The following TPO variants were observed in gnomAD, a reference collection of about 807,000 sequenced individuals.
The protein encoded by TPO is thyroid microsomal antigen.
In TPO, 78 loss-of-function variants were observed where a neutral mutation model predicts 96.9. The observed-to-expected ratio is 0.81, with a 90% CI of 0.67 to 0.97. The LOEUF is 0.97. Ranked by LOEUF, TPO falls within the 50% of genes least tolerant of loss-of-function variation. The pLI is 0.00. For missense variants in TPO, 1,252 were observed against 1,274.8 expected (o/e 0.98, Z 0.27); for synonymous variants, 547 against 538.0 (o/e 1.02, Z -0.23).
intron 1 of TPO, among the ~76,000 whole-genome samples, chr2:1,386,193 G>T (rs1454070503): frequency 2.6e-5 from 4 of 152,190 alleles, no homozygotes; most frequent in African/African-American, 7.2e-5. Context: ...ATGTTCTGTT[G>T]ATTTGGCGTG....
chr2:1,387,981 AC>A (rs1661929049), intron 1 of TPO, among the ~76,000 whole-genome samples: 1 of 152,244 alleles, frequency 6.6e-6, no homozygotes, highest in Admixed American at 6.5e-5. Flanking sequence ...TCCCCTCCAG[AC>A]CCTGTTTGCC....
At chr2:1,457,795 A>G (rs1027095010) in intron 7 of TPO, among the ~76,000 whole-genome samples, 1 of 152,144 alleles carries the variant, frequency 6.6e-6, no homozygotes, top group African/African-American at 2.4e-5. Context: ...GCTCGTGTGT[A>G]TATAGCATGT....
intron 1 of TPO, among the ~76,000 whole-genome samples, chr2:1,399,193 G>A (rs757809510): frequency 4.3e-4 from 66 of 152,310 alleles, no homozygotes; most frequent in Non-Finnish European, 5.9e-4. Context: ...GAGTCCTCAT[G>A]AAATGTCCAG....
chr2:1,511,176 T>C (rs1674072228), intron 14 of TPO, among the ~76,000 whole-genome samples: 1 of 151,938 alleles, frequency 6.6e-6, no homozygotes, highest in Admixed American at 6.6e-5. Flanking sequence ...AGCACAGCCC[T>C]GCAGACTGGG....
intron 1 of TPO, among the ~76,000 whole-genome samples, chr2:1,389,907 T>C (rs79231450): frequency 0.012 from 1,796 of 152,294 alleles, 38 homozygotes; most frequent in African/African-American, 0.041. Context: ...TTGTCTTTGG[T>C]TTGCTGTTTG....
rs369267558 is a variant in TPO, at chr2:1,395,753, TGTGTTCTAGTGATA to T, written n.180+21356_180+21369del. On this transcript the variant is annotated intron_variant and non_coding_transcript_variant, in intron 1 of 5. Coordinates refer to the TPO transcript ENST00000497517. ...TAGTGATAGTGTGTTCTAGTGATAG[TGTGTTCTAGTGATA>T]GTGTGTTCTAGTGATAGTGACTAAG... 6.7e-3 allele frequency among the ~76,000 whole-genome samples: 1,007 copies of T among 151,006 alleles called. 23 individuals carry two copies. In the South Asian group the frequency reaches 0.068, roughly 10 times the overall value.
intron 1 of TPO, among the ~76,000 whole-genome samples, chr2:1,400,858 T>C (rs1487677598): frequency 2.6e-5 from 4 of 152,252 alleles, no homozygotes; most frequent in Admixed American, 6.5e-5. Context: ...AATGCCTTTT[T>C]CTTTTTACAA....
chr2:1,382,969 T>TA (rs1223753397), intron 1 of TPO, among the ~76,000 whole-genome samples: 1 of 147,346 alleles, frequency 6.8e-6, no homozygotes, highest in African/African-American at 2.5e-5. Context: ...AGTGAGAACA[T>TA]ACAGTGTTTG....
chr2:1,509,199 A>C (rs1310071641), intron 14 of TPO, among the ~76,000 whole-genome samples: 12 of 152,156 alleles, frequency 7.9e-5, no homozygotes, highest in African/African-American at 2.9e-4. Context: ...AGCGGTTTTG[A>C]GTGAGTTTCT....
intron 7 of TPO, among the ~76,000 whole-genome samples, chr2:1,467,936 A>G: frequency 1.6e-5 from 1 of 64,304 alleles, no homozygotes; most frequent in East Asian, 5.5e-4. Context: ...TTATCATTAT[A>G]TAATGACCCT....
intron 14 of TPO, among the ~76,000 whole-genome samples, chr2:1,514,953 T>A (rs1022203498): frequency 2.0e-5 from 3 of 152,108 alleles, no homozygotes; most frequent in Non-Finnish European, 4.4e-5. Flanking sequence ...AGGACGTGGC[T>A]CCTCCTCTCA....
intron 1 of TPO, among the ~76,000 whole-genome samples, chr2:1,389,225 G>A (rs1013457625): frequency 5.9e-5 from 9 of 152,106 alleles, no homozygotes; most frequent in East Asian, 1.9e-4. Context: ...TGCTGAGGGC[G>A]TCTCAGAGAG....
chr2:1,444,437 A>G (rs1372340932), intron 5 of TPO, among the ~76,000 whole-genome samples: 71 of 86,544 alleles, frequency 8.2e-4, no homozygotes, highest in East Asian at 1.1e-3. Context: ...AAGGGAATGG[A>G]GCTGGCTCCT....
chr2:1,430,589 C>T (rs1178881561), intron 3 of TPO, among the ~76,000 whole-genome samples: 1 of 152,218 alleles, frequency 6.6e-6, no homozygotes, highest in Non-Finnish European at 1.5e-5. Context: ...GCAGCTTGCA[C>T]TCTGCAACTG....
chr2:1,496,150 G>A lies in TPO; in HGVS notation c.2168G>A (p.Ser723Asn). 6.2e-7 allele frequency: 1 copy of A among 1,614,118 alleles called. No individual in the cohort carries two copies. Among genetic ancestry groups the A allele is most frequent in the Non-Finnish European group, 8.5e-7 (1 of 1,180,020 alleles). Residue 723 changes from serine to asparagine, a missense_variant, in exon 12 of 17, where the codon AGC becomes AAC. Transcript: ENST00000329066. ...CCCGAAGACTTTGAGTCTTGTGACA[G>A]CATCACTGGCATGAACCTGGAGGCC... is the stretch of plus-strand genomic sequence containing the variant. ...KFPEDFESCDSITGMNLEAWR... is the reference protein window; with the variant it reads ...KFPEDFESCDNITGMNLEAWR...
At chr2:1,537,038 A>T (rs1464598521) in intron 15 of TPO, among the ~76,000 whole-genome samples, 1 of 31,940 alleles carries the variant, frequency 3.1e-5, no homozygotes, top group Non-Finnish European at 5.5e-5. Context: ...AAATACCCCC[A>T]CTGTGTGCAA....
At chr2:1,430,489 C>T (rs1664867758) in intron 3 of TPO, among the ~76,000 whole-genome samples, 1 of 152,324 alleles carries the variant, frequency 6.6e-6, no homozygotes, top group South Asian at 2.1e-4. Flanking sequence ...AGGTTGAAGC[C>T]CCCACACAGA....
intron 15 of TPO, among the ~76,000 whole-genome samples, chr2:1,522,547 C>T (rs1176200072): frequency 6.6e-6 from 1 of 151,928 alleles, no homozygotes; most frequent in Non-Finnish European, 1.5e-5. Context: ...CCCAGACCAT[C>T]TACCTCACAC....
chr2:1,444,416 T>C (rs1191762800), intron 5 of TPO, among the ~76,000 whole-genome samples: 15 of 117,064 alleles, frequency 1.3e-4, no homozygotes, highest in South Asian at 3.1e-4. Flanking sequence ...CTGCAGGAGG[T>C]ACCATGTTGG....
Sources: allele counts gnomAD v4.1 joint callset (sites outside exome capture counted in the v4.1 genomes callset), GRCh38; gene constraint gnomAD v4.1.1; transcripts MANE v1.5; gene names NCBI Gene and HGNC (gene_info 2026-07-23, HGNC 2026-07-21).